The following IFIH1 variants were observed in gnomAD, a reference collection of about 807,000 sequenced individuals.
IFIH1 encodes the protein interferon-induced helicase C domain-containing protein 1.
IFIH1 carries 125 observed loss-of-function variants against 107.4 expected under a neutral mutation model. That is an observed-to-expected ratio of 1.16 (90% CI 1.01 to 1.35). The LOEUF is 1.35. Among genes scored for constraint, IFIH1 ranks in the 40% most tolerant of loss-of-function variants. IFIH1 has a pLI of 0.00. For missense variants in IFIH1, 1,333 were observed against 1,213.7 expected, an observed-to-expected ratio of 1.10 and a Z score of -1.46; for synonymous variants, 458 against 413.2, an observed-to-expected ratio of 1.11 and a Z score of -1.31.
Position 162,281,543 on chromosome 2 carries a change from A to G in IFIH1, c.1309T>C (p.Phe437Leu). ...CATTCATCAATGATAATGAGGGAAA[A>G]GTCTTAAAAGAAAATTCAAAGAGTT... ...GEDAGVQLSD[F>L]SLIIIDECHH... is the part of the protein sequence containing the mutation. Residue 437 changes from phenylalanine (F) to leucine (L), a missense_variant and splice_region_variant, in exon 7 of 16, where the codon TTT becomes CTT. By Grantham distance (22) the Phe-to-Leu change is conservative. Transcript: ENST00000649979. 6.2e-7 allele frequency: 1 copy of G among 1,602,928 alleles called. No individual in the cohort carries two copies. Among genetic ancestry groups the G allele is most frequent in the Non-Finnish European group, 8.5e-7 (1 of 1,171,998 alleles).
intron 9 of IFIH1, 143 bp downstream of exon 9, chr2:162,278,062 A>G: frequency 1.5e-6 from 1 of 678,668 alleles, no homozygotes; most frequent in Non-Finnish European, 2.5e-6. Flanking sequence ...GAACATGTTT[A>G]TTATGCTTGT....
chr2:162,276,686 C>G lies in IFIH1; in HGVS notation c.2304+1G>C. 6.2e-7 allele frequency: 1 copy of G among 1,606,092 alleles called. No individual in the cohort carries two copies. The highest frequency in any genetic ancestry group is 8.5e-7 in the Non-Finnish European group (1 of 1,177,442). On this transcript the variant is annotated splice_donor_variant, in intron 11 of 15. Coordinates refer to ENST00000649979, the MANE Select transcript of IFIH1 (RefSeq NM_022168.4). LOFTEE classifies it high-confidence loss of function. Reference sequence around the variant, plus strand: ...GAAGTCGTCCAAAAGGATATTTATACCTGTGTCATGGGTTTGAACTCACTG... The same window carrying G: ...GAAGTCGTCCAAAAGGATATTTATAGCTGTGTCATGGGTTTGAACTCACTG...
At chr2:162,289,380 G>A (rs1197715062) in intron 4 of IFIH1, among the ~76,000 whole-genome samples, 1 of 151,288 alleles carries the variant, frequency 6.6e-6, no homozygotes, top group Non-Finnish European at 1.5e-5. Context: ...TATATTACCA[G>A]GGGAAAAAGA....
Position 162,274,039 on chromosome 2 carries a change from G to T in IFIH1, c.2305-95C>A, listed in dbSNP as rs549929693. ...AAATAATAAATTGCAACTGGTCAGT[G>T]TAAATCAAAGGATTAGATCATACAT... is the stretch of plus-strand genomic sequence containing the variant. On this transcript the variant is annotated intron_variant, in intron 11 of 15. Transcript: ENST00000649979. The T allele has an allele frequency of 5.0e-6, 4 of 806,436 alleles. No homozygotes were observed. The African/African-American group carries it at 5.3e-5, about 11-fold the overall frequency. 50.0% of individuals were successfully genotyped at this position (806,436 alleles called of 1,614,324 possible).
chr2:162,273,685 T>C, intron 12 of IFIH1, 110 bp downstream of exon 12: 1 of 846,766 alleles, frequency 1.2e-6, no homozygotes, highest in Non-Finnish European at 1.8e-6. Context: ...GAAAAAGGCT[T>C]TGTTTTAAAA....
intron 8 of IFIH1, among the ~76,000 whole-genome samples, chr2:162,279,313 A>G (rs1190497903): frequency 6.6e-6 from 1 of 152,130 alleles, no homozygotes; most frequent in Admixed American, 6.6e-5. Context: ...TTTATCTACT[A>G]TGCATATTTC....
intron 1 of IFIH1, among the ~76,000 whole-genome samples, chr2:162,314,416 T>TTTCTTTTCTTTTC (rs71009355): frequency 1.2e-4 from 6 of 51,464 alleles, no homozygotes; most frequent in Admixed American, 1.7e-4. Context: ...TCTTTCTTTC[T>TTTCTTTTCTTTTC]TTTCTTTCTT....
In IFIH1 at chr2:162,276,964, A is replaced by C. The variant is rs1181440236; in HGVS notation, c.2045-18T>G. On this transcript the variant is annotated intron_variant, in intron 10 of 15. Coordinates refer to ENST00000649979, the MANE Select transcript of IFIH1 (RefSeq NM_022168.4). The stretch of plus-strand genomic sequence containing the variant: ...ATTGTTTTCTTTAAGAAATAATTAG[A>C]GTTGATATGTTAACAAGCTTGATTT... 1 of 1,571,020 alleles carries C rather than the reference A, an allele frequency of 6.4e-7. No homozygotes were observed. The highest frequency in any genetic ancestry group is 1.4e-5 in the African/African-American group (1 of 73,062).
rs587777446 is a variant in IFIH1, at chr2:162,273,913, C to T, written c.2336G>A (p.Arg779His). ...NEQKEVISKF[R>H]TGKINLLIAT... ...GATAAGCAGATTTATTTTTCCAGTG[C>T]GAAATTTACTAATGACTTCTTTTTG... The change falls in exon 12 of 16, where the codon CGC (arginine) becomes CAC (histidine). Residue 779 changes from arginine (R) to histidine (H), a missense_variant. Arg to His is a conservative substitution (Grantham distance 29). Coordinates refer to ENST00000649979, the MANE Select transcript of IFIH1 (RefSeq NM_022168.4). 1.2e-6 allele frequency: 2 copies of T among 1,607,316 alleles called. No homozygotes were observed. Among genetic ancestry groups the T allele is most frequent in the Non-Finnish European group, 1.7e-6 (2 of 1,175,016 alleles).
chr2:162,295,577 C>A (rs979909072), intron 3 of IFIH1, among the ~76,000 whole-genome samples: 4 of 151,954 alleles, frequency 2.6e-5, no homozygotes, highest in Admixed American at 6.6e-5. Flanking sequence ...AATGGACATA[C>A]ATACTGTTTA....
At chr2:162,279,839 T>C (rs990990196) in intron 8 of IFIH1, among the ~76,000 whole-genome samples, 157 bp downstream of exon 8, 16 of 152,034 alleles carry the variant, frequency 1.1e-4, no homozygotes, top group Non-Finnish European at 2.2e-4. Context: ...TTCACTGTAG[T>C]GCTTTACTGC....
At chr2:162,268,526 T>A (rs1240961491) in intron 13 of IFIH1, among the ~76,000 whole-genome samples, 2 of 152,186 alleles carry the variant, frequency 1.3e-5, no homozygotes, top group Non-Finnish European at 2.9e-5. Context: ...AAAGTTCTAT[T>A]GTGAGAAAGT....
intron 9 of IFIH1, 94 bp downstream of exon 9, chr2:162,278,111 T>G: frequency 1.9e-6 from 2 of 1,058,904 alleles, no homozygotes. Context: ...GAACTACTTT[T>G]GCTTTCCATT....
chr2:162,303,759 T>TA (rs971966598), intron 3 of IFIH1, among the ~76,000 whole-genome samples: 19 of 152,154 alleles, frequency 1.2e-4, no homozygotes, highest in Admixed American at 5.2e-4. Flanking sequence ...AGTAAAAATT[T>TA]AAAAAAATTT....
chr2:162,270,670 T>A (rs1348868109), intron 13 of IFIH1, among the ~76,000 whole-genome samples: 13 of 152,158 alleles, frequency 8.5e-5, no homozygotes, highest in Admixed American at 8.5e-4. Context: ...CTCCAGAGAT[T>A]GTCCTAGTGT....
Position 162,318,515 on chromosome 2 carries a change from G to C in IFIH1, c.-208C>G. 2.9e-6 allele frequency: 1 copy of C among 344,638 alleles called. No homozygotes were observed. Among genetic ancestry groups the C allele is most frequent in the Non-Finnish European group, 5.1e-6 (1 of 195,632 alleles). 21.3% of individuals were successfully genotyped at this position (344,638 alleles called of 1,614,324 possible). The stretch of plus-strand genomic sequence containing the variant: ...ACCTGGGCAGGTGGGCAGGCGGGCA[G>C]GTGGGCAGCGGGGCGGCGCGCGGGG... On this transcript the variant is annotated 5_prime_UTR_variant, in exon 1 of 16. Transcript: ENST00000649979.
In IFIH1 at chr2:162,288,342, C is replaced by T; in HGVS notation, c.888G>A (p.Val296=). Residue 296 remains valine, a synonymous_variant, in exon 5 of 16, where the codon GTG becomes GTA. Transcript: ENST00000649979. The stretch of plus-strand genomic sequence containing the variant: ...CTGGCTCCGGGGATGCTCTTGCTGC[C>T]ACATTCTCTTCATCTGAAGAAGGTT... ...TMGSDSDEEN[V]AARASPEPEL... 1 of 1,612,082 alleles carries T rather than the reference C, an allele frequency of 6.2e-7. No individual in the cohort carries two copies. The highest frequency in any genetic ancestry group is 1.1e-5 in the South Asian group (1 of 91,024).
chr2:162,271,298 TC>T (rs1399907417), intron 13 of IFIH1, among the ~76,000 whole-genome samples: 1 of 152,132 alleles, frequency 6.6e-6, no homozygotes, highest in African/African-American at 2.4e-5. Flanking sequence ...TGAGTTCATG[TC>T]CTTTGTAGGG....
intron 3 of IFIH1, among the ~76,000 whole-genome samples, chr2:162,303,709 A>AT (rs1269078903): frequency 1.3e-5 from 2 of 152,156 alleles, no homozygotes; most frequent in Non-Finnish European, 2.9e-5. Context: ...CATTATTAAA[A>AT]TTTTTTTCAC....
Sources: allele counts gnomAD v4.1 joint callset (sites outside exome capture counted in the v4.1 genomes callset), GRCh38; gene constraint gnomAD v4.1.1; transcripts MANE v1.5; gene names NCBI Gene and HGNC (gene_info 2026-07-23, HGNC 2026-07-21).